CCDC149: variants seen among roughly 807,000 people sequenced by gnomAD.
CCDC149 encodes the protein coiled-coil domain-containing protein 149.
CCDC149 carries 45 observed loss-of-function variants against 59.9 expected under a neutral mutation model. That is an observed-to-expected ratio of 0.75 (90% confidence interval 0.59 to 0.96). The LOEUF (loss-of-function observed/expected upper bound fraction) is 0.96, where lower values mean the gene tolerates loss of function less well. CCDC149 is among the 40% of genes least tolerant of loss of function. The pLI is 0.00. For synonymous variants in CCDC149, 245 were observed against 260.6 expected (o/e 0.94, Z 0.58); for missense variants, 584 against 664.7 (o/e 0.88, Z 1.33).
At chr4:24,945,313 C>T (rs1723074658) in intron 1 of CCDC149, among the ~76,000 whole-genome samples, 1 of 152,184 alleles carries the variant, frequency 6.6e-6, no homozygotes, top group African/African-American at 2.4e-5. Flanking sequence ...GCCCTAAATC[C>T]AGTATGACTG....
At chr4:24,966,664 G>T (rs1723813140) in intron 1 of CCDC149, among the ~76,000 whole-genome samples, 1 of 152,216 alleles carries the variant, frequency 6.6e-6, no homozygotes, top group Admixed American at 6.5e-5. Flanking sequence ...GCAGTTCAAT[G>T]AAATTCTCTT....
chr4:24,857,620 G>A (rs888504588), intron 3 of CCDC149, among the ~76,000 whole-genome samples: 5 of 152,160 alleles, frequency 3.3e-5, no homozygotes, highest in Non-Finnish European at 5.9e-5. Context: ...CAGGACGGAG[G>A]GCAGGGCTGC....
At chr4:24,978,064 T>G (rs1039956602) in intron 1 of CCDC149, among the ~76,000 whole-genome samples, 11 of 152,264 alleles carry the variant, frequency 7.2e-5, no homozygotes, top group African/African-American at 2.6e-4. Context: ...CCCAAGACTT[T>G]GGGGCTGCAC....
chr4:24,926,555 A>T (rs953144095), intron 1 of CCDC149, among the ~76,000 whole-genome samples: 20 of 152,094 alleles, frequency 1.3e-4, no homozygotes, highest in Non-Finnish European at 2.9e-4. Context: ...TTCTGTTACA[A>T]ATGCCTCCCA....
chr4:24,823,059 T>G (rs1715512989), intron 9 of CCDC149: 1 of 152,332 alleles, frequency 6.6e-6, no homozygotes, highest in African/African-American at 2.4e-5. Context: ...TCAGCCTTCT[T>G]AGACCCATGT....
chr4:24,954,409 C>T (rs1371481077), intron 1 of CCDC149, among the ~76,000 whole-genome samples: 1 of 152,240 alleles, frequency 6.6e-6, no homozygotes, highest in Non-Finnish European at 1.5e-5. Flanking sequence ...TAAGCTCTGC[C>T]TCCGTGGTAG....
intron 1 of CCDC149, among the ~76,000 whole-genome samples, chr4:24,892,441 T>G (rs551877960): frequency 6.6e-6 from 1 of 152,336 alleles, no homozygotes; most frequent in African/African-American, 2.4e-5. Flanking sequence ...AATCATCATC[T>G]TCCTGGATAA....
At chr4:24,946,915 C>T (rs540423583) in intron 1 of CCDC149, among the ~76,000 whole-genome samples, 4 of 152,250 alleles carry the variant, frequency 2.6e-5, no homozygotes, top group South Asian at 2.1e-4. Context: ...TTTTCCTCTC[C>T]GAACTGTGAA....
intron 1 of CCDC149, among the ~76,000 whole-genome samples, chr4:24,922,931 T>A (rs1385143118): frequency 6.6e-6 from 1 of 152,192 alleles, no homozygotes; most frequent in Non-Finnish European, 1.5e-5. Context: ...TTTTTTTTAT[T>A]GATTTTCCAT....
chr4:24,944,078 C>G (rs9994404), intron 1 of CCDC149, among the ~76,000 whole-genome samples: 2 of 152,022 alleles, frequency 1.3e-5, no homozygotes, highest in African/African-American at 4.8e-5. Context: ...ATAAATCATG[C>G]TGCTATAAAG....
intron 1 of CCDC149, among the ~76,000 whole-genome samples, chr4:24,944,748 C>T (rs575950387): frequency 6.6e-6 from 1 of 152,188 alleles, no homozygotes; most frequent in East Asian, 1.9e-4. Flanking sequence ...TATCCCAGAA[C>T]TTAAAGTAAA....
intron 12 of CCDC149, among the ~76,000 whole-genome samples, chr4:24,812,792 A>AGAAAGTGTGC (rs1423002000): frequency 1.3e-5 from 2 of 152,234 alleles, no homozygotes; most frequent in Non-Finnish European, 2.9e-5. Flanking sequence ...AGCAGGCAAG[A>AGAAAGTGTGC]GAAAGTGTGC....
chr4:24,805,949 G>A (rs528367484), downstream of CCDC149, among the ~76,000 whole-genome samples: 7 of 152,232 alleles, frequency 4.6e-5, no homozygotes, highest in Non-Finnish European at 8.8e-5. Flanking sequence ...CCTTACTTTC[G>A]AAGTTCCTGT....
At chr4:24,873,575 GA>G (rs1414888131) in intron 3 of CCDC149, 105 bp downstream of exon 3, 7 of 805,742 alleles carry the variant, frequency 8.7e-6, no homozygotes, top group Non-Finnish European at 1.3e-5. Context: ...ATAACAGAAA[GA>G]ATTCCAGGAA....
At chr4:24,950,886 G>C (rs1723267114) in intron 1 of CCDC149, among the ~76,000 whole-genome samples, 1 of 152,222 alleles carries the variant, frequency 6.6e-6, no homozygotes, top group Admixed American at 6.5e-5. Context: ...GCCACAGGAA[G>C]TTGACTTAAT....
At chr4:24,911,287 A>G (rs1228835115) in intron 1 of CCDC149, among the ~76,000 whole-genome samples, 1 of 152,172 alleles carries the variant, frequency 6.6e-6, no homozygotes, top group Non-Finnish European at 1.5e-5. Context: ...TCCATCCTTT[A>G]GTTCACTCTC....
In CCDC149 at chr4:24,808,671, C is replaced by G. The variant is rs1714381486; in HGVS notation, c.1341G>C (p.Gln447His). 6 of 1,552,412 alleles carry G rather than the reference C, an allele frequency of 3.9e-6. No homozygotes were observed. Among genetic ancestry groups the G allele is most frequent in the Non-Finnish European group, 5.2e-6 (6 of 1,147,146 alleles). ...TGTTTACTTCTTCCTCAGAAGGTAA[C>G]TGGGGTAATGAAGGATGAAAGAGCT... Residue 447 changes from glutamine to histidine, a missense_variant, in exon 13 of 13, where the codon CAG becomes CAC. Physicochemically the swap from Gln to His is conservative, Grantham distance 24 (BLOSUM62 0). Transcript: ENST00000635206.
intron 1 of CCDC149, among the ~76,000 whole-genome samples, chr4:24,964,457 T>C (rs961170935): frequency 6.6e-6 from 1 of 152,146 alleles, no homozygotes; most frequent in Non-Finnish European, 1.5e-5. Context: ...TCCTCAATAT[T>C]TGAAACTAAA....
At chr4:24,979,353 G>A (rs537633885) in intron 1 of CCDC149, among the ~76,000 whole-genome samples, 2 of 152,194 alleles carry the variant, frequency 1.3e-5, no homozygotes, top group Non-Finnish European at 1.5e-5. Context: ...ATGTCTGCAA[G>A]TGATCTTCAG....
Sources: allele counts gnomAD v4.1 joint callset (sites outside exome capture counted in the v4.1 genomes callset), GRCh38; gene constraint gnomAD v4.1.1; transcripts MANE v1.5; gene names NCBI Gene and HGNC (gene_info 2026-07-23, HGNC 2026-07-21).